CTIF: variants seen among roughly 807,000 people sequenced by gnomAD.
The protein encoded by CTIF is cap binding complex dependent translation initiation factor, also known as CBP80/20-dependent translation initiation factor.
A neutral mutation model predicts 66.0 loss-of-function variants in CTIF; 21 were observed. That is an observed-to-expected ratio of 0.32 (90% CI 0.23 to 0.46). CTIF has a LOEUF of 0.46. CTIF is among the 20% of genes least tolerant of loss of function. CTIF has a pLI of 1.00. For synonymous variants in CTIF, 345 were observed against 326.4 expected (o/e 1.06, Z -0.62); for missense variants, 739 against 812.7 (o/e 0.91, Z 1.10).
At position 48,836,116 on chromosome 18, in the gene CTIF, C is replaced by T. The variant is rs189978458; in HGVS notation, c.1527+18740C>T. 6.6e-5 allele frequency among the ~76,000 whole-genome samples: 10 copies of T among 152,130 alleles called. No homozygotes were observed. The East Asian group carries it at 1.9e-3, about 29-fold the overall frequency. ...AGCCACTGCCTTGGAGCCCACCCACCTCCAGGCCCCACCTCCCTCCTCCCC... is the reference window on the plus strand; with the variant it reads ...AGCCACTGCCTTGGAGCCCACCCACTTCCAGGCCCCACCTCCCTCCTCCCC... On this transcript the variant is annotated intron_variant, in intron 10 of 11. Coordinates refer to ENST00000256413, the MANE Select transcript of CTIF (RefSeq NM_014772.3).
chr18:48,591,318 C>T (rs1037347759), intron 1 of CTIF, among the ~76,000 whole-genome samples: 7 of 152,232 alleles, frequency 4.6e-5, no homozygotes, highest in Admixed American at 2.0e-4. Flanking sequence ...TGGTACCCAC[C>T]GCTCCAGGCA....
intron 10 of CTIF, chr18:48,826,305 C>T (rs1319490967): frequency 6.6e-6 from 1 of 152,230 alleles, no homozygotes; most frequent in Non-Finnish European, 1.5e-5. Flanking sequence ...CACAGTCAGC[C>T]CCAGAAAGTG....
intron 10 of CTIF, among the ~76,000 whole-genome samples, chr18:48,832,916 G>T (rs2146464988): frequency 6.6e-6 from 1 of 152,338 alleles, no homozygotes; most frequent in South Asian, 2.1e-4. Context: ...TTTCCTGATA[G>T]TCAGGAAGTG....
chr18:48,793,603 G>A (rs1157114488), intron 9 of CTIF, among the ~76,000 whole-genome samples: 7 of 152,176 alleles, frequency 4.6e-5, no homozygotes, highest in African/African-American at 1.7e-4. Context: ...GACATGCTGG[G>A]TGGCCACAGG....
At chr18:48,634,540 T>C (rs929580272) in intron 2 of CTIF, among the ~76,000 whole-genome samples, 1 of 152,188 alleles carries the variant, frequency 6.6e-6, no homozygotes, top group Non-Finnish European at 1.5e-5. Flanking sequence ...GAGTCCAGGG[T>C]TCCCGGTCAT....
intron 7 of CTIF, among the ~76,000 whole-genome samples, chr18:48,731,335 C>G (rs1286904639): frequency 1.3e-5 from 2 of 152,114 alleles, no homozygotes; most frequent in African/African-American, 4.8e-5. Flanking sequence ...AGAGAAGGCT[C>G]ATTATGATGG....
intron 6 of CTIF, among the ~76,000 whole-genome samples, chr18:48,682,465 T>C (rs189553393): frequency 1.4e-4 from 22 of 152,220 alleles, no homozygotes; most frequent in African/African-American, 5.3e-4. Flanking sequence ...GGCCCAGTGG[T>C]CTGCATTTTA....
intron 3 of CTIF, among the ~76,000 whole-genome samples, chr18:48,639,271 C>T (rs935363292): frequency 7.2e-5 from 11 of 152,104 alleles, no homozygotes; most frequent in Admixed American, 3.9e-4. Flanking sequence ...CTTTCAGGAG[C>T]GATTTCTTAG....
At chr18:48,670,593 C>A in intron 5 of CTIF, 76 bp from the exon 6 acceptor site, 1 of 1,356,870 alleles carries the variant, frequency 7.4e-7, no homozygotes, top group Non-Finnish European at 1.1e-6. Context: ...ACTGTCCCTC[C>A]TCTCCTGCTG....
intron 3 of CTIF, among the ~76,000 whole-genome samples, chr18:48,661,138 C>T (rs1048208272): frequency 1.3e-5 from 2 of 152,220 alleles, no homozygotes; most frequent in African/African-American, 4.8e-5. Flanking sequence ...GAGAAAGAGG[C>T]AGTCCAGTGG....
chr18:48,834,033 TTCCCC>T (rs143137878), intron 10 of CTIF, among the ~76,000 whole-genome samples: 4 of 150,940 alleles, frequency 2.7e-5, no homozygotes, highest in South Asian at 4.2e-4. Context: ...TCCCCCTCCT[TTCCCC>T]TCCCCTCCCC....
chr18:48,808,104 C>T (rs2068187031), intron 9 of CTIF, among the ~76,000 whole-genome samples: 1 of 152,102 alleles, frequency 6.6e-6, no homozygotes, highest in Non-Finnish European at 1.5e-5. Context: ...TACCAATGCC[C>T]ATATATAAGT....
chr18:48,819,372 C>G (rs1398736103), intron 10 of CTIF, among the ~76,000 whole-genome samples: 5 of 152,244 alleles, frequency 3.3e-5, no homozygotes, highest in African/African-American at 1.2e-4. Context: ...CCTGGACAAC[C>G]CACCTCGAGA....
At chr18:48,738,508 C>T (rs988092721) in intron 7 of CTIF, among the ~76,000 whole-genome samples, 1 of 152,130 alleles carries the variant, frequency 6.6e-6, no homozygotes, top group Non-Finnish European at 1.5e-5. Flanking sequence ...GCCAGAAGTT[C>T]CACCTCGGGG....
At chr18:48,851,706 C>T (rs912518410) in intron 10 of CTIF, among the ~76,000 whole-genome samples, 2 of 152,258 alleles carry the variant, frequency 1.3e-5, no homozygotes, top group South Asian at 2.1e-4. Flanking sequence ...TGTCAGCCAG[C>T]GACATCCGCC....
intron 9 of CTIF, among the ~76,000 whole-genome samples, chr18:48,767,677 C>T (rs140612110): frequency 2.1e-3 from 317 of 152,174 alleles, no homozygotes; most frequent in Middle Eastern, 0.014. Context: ...GAAAAGACAA[C>T]ACAAAATCAG....
At chr18:48,738,947 T>C (rs1315767523) in intron 7 of CTIF, among the ~76,000 whole-genome samples, 1 of 152,182 alleles carries the variant, frequency 6.6e-6, no homozygotes, top group African/African-American at 2.4e-5. Flanking sequence ...GCCCAGCTCC[T>C]TGGGCTACCT....
Position 48,654,952 on chromosome 18 carries a change from C to T in CTIF, c.253-8800C>T, listed in dbSNP as rs1007714648. On this transcript the variant is annotated intron_variant, in intron 3 of 11. Coordinates refer to ENST00000256413, the MANE Select transcript of CTIF (RefSeq NM_014772.3). ...GAACACTTGGACACAGGGCGGGGAA[C>T]ATCACACCCCAGGGCCTGTGTGGGG... Among the ~76,000 whole-genome samples the T allele has an allele frequency of 2.0e-5, 3 of 151,914 alleles. 1 individual carries two copies. Among genetic ancestry groups the T allele is most frequent in the Middle Eastern group, 6.8e-3 (2 of 294 alleles).
At chr18:48,827,347 G>A (rs1487298899) in intron 10 of CTIF, among the ~76,000 whole-genome samples, 1 of 152,216 alleles carries the variant, frequency 6.6e-6, no homozygotes, top group East Asian at 1.9e-4. Context: ...TCTAGCCAGA[G>A]GAGCCCACGG....
Sources: gnomAD v4.1 joint callset for allele counts (sites outside exome capture counted in the v4.1 genomes callset) on GRCh38, gnomAD v4.1.1 for gene constraint, MANE v1.5 for transcripts, NCBI Gene and HGNC (gene_info 2026-07-23, HGNC 2026-07-21) for gene names.